LAMB4: variants seen among roughly 807,000 people sequenced by gnomAD.
The protein encoded by LAMB4 is laminin subunit beta-4.
In LAMB4, 196 loss-of-function variants were observed where a neutral mutation model predicts 199.2. The ratio of observed to expected loss-of-function variants is 0.98; its 90% CI spans 0.88 to 1.11. The LOEUF (loss-of-function observed/expected upper bound fraction) is 1.11. Ranked by LOEUF, LAMB4 falls within the 50% of genes least tolerant of loss-of-function variation. The pLI, the probability that LAMB4 is intolerant of heterozygous loss-of-function variation, is 0.00. For synonymous variants in LAMB4, 744 were observed against 770.6 expected (o/e 0.97, Z 0.57); for missense variants, 2,080 against 2,171.2 (o/e 0.96, Z 0.83).
At chr7:108,118,148 GA>G (rs1423298486) in intron 2 of LAMB4, among the ~76,000 whole-genome samples, 1 of 152,008 alleles carries the variant, frequency 6.6e-6, no homozygotes, top group Non-Finnish European at 1.5e-5. Flanking sequence ...AACTATATAT[GA>G]AAAAGACAAT....
chr7:108,042,738 C>T (rs1437181112), intron 29 of LAMB4, among the ~76,000 whole-genome samples: 2 of 151,944 alleles, frequency 1.3e-5, no homozygotes, highest in African/African-American at 4.8e-5. Context: ...AAACAAACAA[C>T]AACAACAAAA....
intron 28 of LAMB4, among the ~76,000 whole-genome samples, chr7:108,046,804 A>G (rs2035642424): frequency 6.6e-6 from 1 of 152,058 alleles, no homozygotes; most frequent in African/African-American, 2.4e-5. Context: ...CAATTTGTAT[A>G]TTTAGTAGGT....
chr7:108,095,277 T>A lies in LAMB4; in HGVS notation c.1421A>T (p.Gln474Leu), dbSNP rs146143041. 119 of 1,614,074 alleles carry A rather than the reference T, an allele frequency of 7.4e-5. 2 individuals are homozygous for A. The African/African-American group carries it at 1.4e-3, about 19-fold the overall frequency. ...PFLTCDVDTGQCLCLSYVTGA... is the reference protein window; with the variant it reads ...PFLTCDVDTGLCLCLSYVTGA... ...GGTGACATATGACAGGCACAAGCAT[T>A]GGCCTGTATCCACATCACAGGTCAA... The change falls in exon 12 of 34, where the codon CAA (glutamine) becomes CTA (leucine). Residue 474 changes from glutamine (Q) to leucine (L), a missense_variant. Transcript: ENST00000388781.
At chr7:108,101,207 G>A (rs1444699437) in intron 10 of LAMB4, among the ~76,000 whole-genome samples, 4 of 152,096 alleles carry the variant, frequency 2.6e-5, no homozygotes, top group African/African-American at 7.2e-5. Flanking sequence ...TATCCTGAAC[G>A]TTCTTGCTAA....
At chr7:108,080,684 G>A (rs1486663185) in intron 14 of LAMB4, among the ~76,000 whole-genome samples, 2 of 152,168 alleles carry the variant, frequency 1.3e-5, no homozygotes, top group African/African-American at 4.8e-5. Flanking sequence ...AAGTAGGACA[G>A]AGCCTCTGCC....
the LAMB4 span, among the ~76,000 whole-genome samples, chr7:108,018,467 C>T: frequency 3.3e-5 from 5 of 152,086 alleles, no homozygotes; most frequent in South Asian, 4.2e-4. Flanking sequence ...TGGCCAGGCG[C>T]GGTGTCTCAT....
rs1266972674 is a variant in LAMB4 at position 108,062,874 on chromosome 7, C to G, written c.3182G>C (p.Cys1061Ser). 6.3e-7 allele frequency: 1 copy of G among 1,596,832 alleles called. No individual in the cohort carries two copies. Among genetic ancestry groups the G allele is most frequent in the Non-Finnish European group, 8.5e-7 (1 of 1,172,976 alleles). ...PCLPNVTGLA[C>S]DRCADGYWNL... is the part of the protein sequence containing the mutation. ...CCAGTATCCATCAGCACAACGGTCA[C>G]AGGCCAGGCCTGTGACATTCGGCAG... The change falls in exon 23 of 34, where the codon TGT (cysteine) becomes TCT (serine). Residue 1061 changes from cysteine (C) to serine (S), a missense_variant. Transcript: ENST00000388781.
downstream of LAMB4, among the ~76,000 whole-genome samples, chr7:108,021,863 A>C (rs1350428106): frequency 6.6e-6 from 1 of 152,206 alleles, no homozygotes; most frequent in Non-Finnish European, 1.5e-5. Context: ...TCCAAAGATA[A>C]GTAGAGGAAA....
At chr7:108,080,843 G>A (rs1228754774) in intron 14 of LAMB4, among the ~76,000 whole-genome samples, 1 of 151,954 alleles carries the variant, frequency 6.6e-6, no homozygotes, top group African/African-American at 2.4e-5. Context: ...CCCTTGTAAG[G>A]CTGGGTGCGG....
At position 108,068,132 on chromosome 7, in the gene LAMB4, A is replaced by C; in HGVS notation, c.2330T>G (p.Val777Gly). 6.2e-7 allele frequency: 1 copy of C among 1,614,122 alleles called. No individual in the cohort carries two copies. The highest frequency in any genetic ancestry group is 8.5e-7 in the Non-Finnish European group (1 of 1,180,002). ...VACKCHPQGS[V>G]GSSCSRLGGQ... is the part of the protein sequence containing the mutation. Reference sequence around the variant, plus strand: ...TCCAAGTCGGCTGCAGCTGGATCCGACTGAGCCCTGGGGGTGACACTTGCA... The same window carrying C: ...TCCAAGTCGGCTGCAGCTGGATCCGCCTGAGCCCTGGGGGTGACACTTGCA... The change falls in exon 19 of 34, where the codon GTC becomes GGC. Residue 777 changes from valine (V) to glycine (G), a missense_variant. Transcript: ENST00000388781.
chr7:108,060,430 G>A (rs2036122788), intron 23 of LAMB4, among the ~76,000 whole-genome samples: 1 of 152,148 alleles, frequency 6.6e-6, no homozygotes, highest in Admixed American at 6.5e-5. Context: ...GGGGAGTGGA[G>A]GGGAGCTTAT....
downstream of LAMB4, among the ~76,000 whole-genome samples, chr7:108,021,782 T>C (rs377016966): frequency 7.9e-5 from 12 of 152,318 alleles, 1 homozygote; most frequent in East Asian, 1.5e-3. Context: ...TTTATTCATA[T>C]TGATTACATT....
rs190494529 is a variant in LAMB4 at position 108,116,240 on chromosome 7, G to T, written c.35-79C>A. The T allele has an allele frequency of 2.7e-3, 3,548 of 1,313,510 alleles. 3 individuals carry two copies. The highest frequency in any genetic ancestry group is 3.4e-3 in the Non-Finnish European group (3,262 of 960,316). The allele number at this position is 1,313,510 out of a possible 1,614,324, so 81.4% of individuals were successfully genotyped here. A position where few individuals can be genotyped will look rare whatever the true frequency, so the allele number is the denominator to read the frequency against. ...GCCTGCAGAAATGACTGGTTAAGGG[G>T]GAAAGTTATGTATTTATTTAATATT... is the stretch of plus-strand genomic sequence containing the variant. On this transcript the variant is annotated intron_variant, in intron 2 of 33. Transcript: ENST00000388781.
intron 14 of LAMB4, among the ~76,000 whole-genome samples, chr7:108,088,355 G>C (rs924899764): frequency 2.0e-5 from 3 of 152,276 alleles, no homozygotes; most frequent in East Asian, 3.9e-4. Flanking sequence ...TAGAGACGGG[G>C]TTTCGCCTTG....
chr7:108,028,472 A>ATTTTTT (rs1195925912), intron 33 of LAMB4, among the ~76,000 whole-genome samples: 5 of 111,790 alleles, frequency 4.5e-5, no homozygotes, highest in Non-Finnish European at 5.5e-5. Context: ...AAAAAAGGGC[A>ATTTTTT]TTTTTTTTTT....
At chr7:108,092,853 G>A (rs1256633956) in intron 12 of LAMB4, among the ~76,000 whole-genome samples, 4 of 152,226 alleles carry the variant, frequency 2.6e-5, no homozygotes, top group Middle Eastern at 3.4e-3. Flanking sequence ...AGAGTGAGCT[G>A]AGATCGTGCC....
intron 29 of LAMB4, among the ~76,000 whole-genome samples, chr7:108,040,956 G>A (rs1275903033): frequency 6.6e-6 from 1 of 152,082 alleles, no homozygotes; most frequent in Non-Finnish European, 1.5e-5. Context: ...ACTATCAACA[G>A]AGTAAACACA....
At chr7:108,116,259 T>C (rs748506133) in intron 2 of LAMB4, 98 bp from the exon 3 acceptor site, 1 of 1,158,796 alleles carries the variant, frequency 8.6e-7, no homozygotes, top group Non-Finnish European at 1.2e-6. Flanking sequence ...TGTATTTATT[T>C]AATATTGGCC....
rs1014217100 is a variant in LAMB4, at chr7:108,066,428, A to G, written c.2619T>C (p.Asp873=). 5.0e-6 allele frequency: 8 copies of G among 1,614,122 alleles called. No individual in the cohort carries two copies. Among genetic ancestry groups the G allele is most frequent in the Non-Finnish European group, 6.8e-6 (8 of 1,180,048 alleles). Residue 873 remains aspartate, a synonymous_variant, in exon 20 of 34, where the codon GAT becomes GAC. Transcript: ENST00000388781. ...AATTGAAGCATGACCCTGTCTCAGG[A>G]TCACAAAGTTCAGCAAACCTATTAC... ...CPCNRFAELC[D]PETGSCFNCG...
Sources: allele counts gnomAD v4.1 joint callset (sites outside exome capture counted in the v4.1 genomes callset), GRCh38; gene constraint gnomAD v4.1.1; transcripts MANE v1.5; gene names NCBI Gene and HGNC (gene_info 2026-07-23, HGNC 2026-07-21).